ALG14: variants seen among roughly 807,000 people sequenced by gnomAD.
ALG14 encodes the protein UDP-N-acetylglucosamine transferase subunit ALG14.
A neutral mutation model predicts 22.8 loss-of-function variants in ALG14; 17 were observed. The observed-to-expected ratio is 0.75, with a 90% CI of 0.51 to 1.12. The LOEUF (loss-of-function observed/expected upper bound fraction) is 1.12. Among genes scored for constraint, ALG14 ranks in the 50% most tolerant of loss-of-function variants. ALG14 has a pLI of 0.00. For synonymous variants in ALG14, 89 were observed against 103.7 expected (o/e 0.86, Z 0.86); for missense variants, 288 against 271.8 (o/e 1.06, Z -0.42).
intron 3 of ALG14, among the ~76,000 whole-genome samples, chr1:95,024,646 C>G (rs1291078234): frequency 6.6e-6 from 1 of 152,112 alleles, no homozygotes; most frequent in Non-Finnish European, 1.5e-5. Context: ...AATAGCGAGC[C>G]ATTTTCACAG....
intron 2 of ALG14, among the ~76,000 whole-genome samples, chr1:95,033,631 TC>T (rs376179297): frequency 3.9e-5 from 6 of 152,012 alleles, no homozygotes; most frequent in African/African-American, 1.4e-4. Context: ...ATCATAGATT[TC>T]CTTCTAGATA....
intron 3 of ALG14, among the ~76,000 whole-genome samples, chr1:95,018,961 A>G (rs1270307966): frequency 6.6e-6 from 1 of 152,270 alleles, no homozygotes; most frequent in African/African-American, 2.4e-5. Context: ...AGATGTAGAC[A>G]CAACTGATTT....
chr1:95,054,638 A>G (rs965418535), intron 2 of ALG14, among the ~76,000 whole-genome samples: 4 of 152,278 alleles, frequency 2.6e-5, no homozygotes, highest in African/African-American at 9.6e-5. Context: ...ATGTCCTAAC[A>G]ACACTGATTT....
At chr1:95,000,552 A>AG (rs1357724367) in intron 3 of ALG14, among the ~76,000 whole-genome samples, 1 of 150,800 alleles carries the variant, frequency 6.6e-6, no homozygotes, top group African/African-American at 2.4e-5. Context: ...AAAAAAAAAA[A>AG]AAAAAAAGAA....
intron 3 of ALG14, among the ~76,000 whole-genome samples, chr1:95,000,797 A>C (rs2100734609): frequency 6.6e-6 from 1 of 150,740 alleles, no homozygotes; most frequent in East Asian, 1.9e-4. Flanking sequence ...AAAAAAAAAA[A>C]AAAGGAATGA....
intron 2 of ALG14, among the ~76,000 whole-genome samples, chr1:95,058,777 C>T (rs1009366620): frequency 2.7e-5 from 4 of 150,744 alleles, no homozygotes; most frequent in Non-Finnish European, 4.4e-5. Context: ...CAAGAAACAG[C>T]GGTGAGTTAA....
chr1:94,993,167 A>G (rs964488725), intron 3 of ALG14, among the ~76,000 whole-genome samples: 1 of 149,118 alleles, frequency 6.7e-6, no homozygotes, highest in African/African-American at 2.5e-5. Context: ...AGTCTTATAT[A>G]TCACTTGGAG....
At chr1:95,060,244 T>C (rs1675095251) in intron 2 of ALG14, among the ~76,000 whole-genome samples, 2 of 151,922 alleles carry the variant, frequency 1.3e-5, no homozygotes, top group South Asian at 4.2e-4. Context: ...CATTTGCATC[T>C]CTGCAGAGCT....
In ALG14 at chr1:95,045,826, A is replaced by G. The variant is rs1305566074; in HGVS notation, c.289-18566T>C. 7.6e-5 allele frequency among the ~76,000 whole-genome samples: 11 copies of G among 145,434 alleles called. 1 individual carries two copies. The highest frequency in any genetic ancestry group is 4.8e-4 in the Admixed American group (7 of 14,526). On this transcript the variant is annotated intron_variant, in intron 2 of 3. Coordinates refer to ENST00000370205, the MANE Select transcript of ALG14 (RefSeq NM_144988.4). ...ATAGAATGGCATACTAATAGAATTA[A>G]TATACTAATAGAATGGCATACTAAT...
chr1:94,996,508 C>A (rs17112857), intron 3 of ALG14, among the ~76,000 whole-genome samples: 13,754 of 152,142 alleles, frequency 0.09, 932 homozygotes, highest in African/African-American at 0.18. Context: ...TTTCAGTGAG[C>A]CTGAGGTTTC....
chr1:95,070,266 T>G (rs1675517717), intron 1 of ALG14, among the ~76,000 whole-genome samples: 1 of 152,248 alleles, frequency 6.6e-6, no homozygotes, highest in African/African-American at 2.4e-5. Context: ...CTGTCCATAC[T>G]TTGCTGAACC....
At chr1:95,012,472 C>T (rs1473225331) in intron 3 of ALG14, among the ~76,000 whole-genome samples, 6 of 152,306 alleles carry the variant, frequency 3.9e-5, no homozygotes, top group African/African-American at 1.4e-4. Context: ...AGCTACTGTG[C>T]ACTGCAGTGG....
In ALG14 at chr1:94,996,265, A is replaced by G. The variant is rs369377194; in HGVS notation, c.421-12959T>C. ...AAGCTCTCAGGTGATTCTGGTGCACACTGGAGATTGGGGACCTCTGCTCTA... is the reference window on the plus strand; with the variant it reads ...AAGCTCTCAGGTGATTCTGGTGCACGCTGGAGATTGGGGACCTCTGCTCTA... On this transcript the variant is annotated intron_variant, in intron 3 of 3. Transcript: ENST00000370205. Among the ~76,000 whole-genome samples the G allele has an allele frequency of 2.6e-5, 4 of 152,360 alleles. No homozygotes were observed. In the South Asian group the frequency reaches 6.2e-4, roughly 24 times the overall value.
In ALG14 at chr1:95,016,940, GGGGTGT is replaced by G. The variant is rs1354962996; in HGVS notation, c.420+10183_420+10188del. On this transcript the variant is annotated intron_variant, in intron 3 of 3. Coordinates refer to ENST00000370205, the MANE Select transcript of ALG14 (RefSeq NM_144988.4). The stretch of plus-strand genomic sequence containing the variant: ...CACCAGCCCTTGCAATTTTGCAAAA[GGGGTGT>G]GTGTGTGTGTGTGTGTGTGTGTGTG... Among the ~76,000 whole-genome samples the G allele has an allele frequency of 1.5e-3, 181 of 118,590 alleles. 1 individual carries two copies. The highest frequency in any genetic ancestry group is 7.9e-3 in the Middle Eastern group (2 of 254). The allele number at this position is 118,590 out of a possible 152,430, so 77.8% of individuals were successfully genotyped here.
chr1:95,046,973 A>AAACATAACAT (rs56232245), intron 2 of ALG14, among the ~76,000 whole-genome samples: 10,149 of 144,720 alleles, frequency 0.07, 458 homozygotes, highest in East Asian at 0.089. Flanking sequence ...TCTCACAAAA[A>AAACATAACAT]AACATAACAT....
intron 2 of ALG14, among the ~76,000 whole-genome samples, chr1:95,046,396 T>C (rs1255839622): frequency 6.6e-6 from 1 of 152,204 alleles, no homozygotes; most frequent in East Asian, 1.9e-4. Flanking sequence ...TTGTGAACTG[T>C]GCATGCAAGG....
Position 95,042,042 on chromosome 1 carries a change from T to A in ALG14, c.289-14782A>T, listed in dbSNP as rs757043383. Among the ~76,000 whole-genome samples, 152 of 152,216 alleles carry A rather than the reference T, an allele frequency of 1.0e-3. 1 individual carries two copies. Among genetic ancestry groups the A allele is most frequent in the South Asian group, 2.1e-4 (1 of 4,822 alleles). ...TAGAAAATATTTATTTAGATATTTA[T>A]AAAAAAATAAATATTTCATATTAGT... is the stretch of plus-strand genomic sequence containing the variant. On this transcript the variant is annotated intron_variant, in intron 2 of 3. Coordinates refer to ENST00000370205, the MANE Select transcript of ALG14 (RefSeq NM_144988.4).
chr1:95,008,036 G>T (rs1451863517), intron 3 of ALG14, among the ~76,000 whole-genome samples: 1 of 152,140 alleles, frequency 6.6e-6, no homozygotes, highest in Non-Finnish European at 1.5e-5. Flanking sequence ...AAATGATCTG[G>T]TATGCTAGAC....
intron 2 of ALG14, among the ~76,000 whole-genome samples, chr1:95,033,420 T>TATACACACACACAC (rs1553229109): frequency 7.2e-6 from 1 of 139,628 alleles, no homozygotes; most frequent in African/African-American, 2.7e-5. Context: ...TATATATATA[T>TATACACACACACAC]ACACACACAC....
Sources: gnomAD v4.1 joint callset for allele counts (sites outside exome capture counted in the v4.1 genomes callset) on GRCh38, gnomAD v4.1.1 for gene constraint, MANE v1.5 for transcripts, NCBI Gene and HGNC (gene_info 2026-07-23, HGNC 2026-07-21) for gene names.